ACTR3C: variants seen among roughly 807,000 people sequenced by gnomAD.
The protein encoded by ACTR3C is actin related protein 3C, also known as actin-related protein 3C.
Under a neutral mutation model 26.3 loss-of-function variants are expected in ACTR3C, and 18 were observed. The observed-to-expected ratio is 0.68, with a 90% CI of 0.47 to 1.01. The LOEUF (loss-of-function observed/expected upper bound fraction) is 1.01. Ranked by LOEUF, ACTR3C falls within the 50% of genes least tolerant of loss-of-function variation. The probability of loss-of-function intolerance (pLI) is 0.00; values close to 1 mark genes in which losing one functional copy is unlikely to be tolerated. For synonymous variants in ACTR3C, 55 were observed against 94.5 expected, an observed-to-expected ratio of 0.58 and a Z score of 2.42; for missense variants, 184 against 250.7, an observed-to-expected ratio of 0.73 and a Z score of 1.80.
chr7:150,233,143 G>C, the ACTR3C span, among the ~76,000 whole-genome samples: 2 of 151,844 alleles, frequency 1.3e-5, no homozygotes, highest in African/African-American at 4.9e-5. Context: ...TTTCTTACAG[G>C]GAAGGTCTGA....
the ACTR3C span, among the ~76,000 whole-genome samples, chr7:150,154,365 G>T: frequency 1.3e-4 from 20 of 151,954 alleles, no homozygotes; most frequent in Non-Finnish European, 2.6e-4. Flanking sequence ...CTTTGTTTTG[G>T]TCTCAGTAGG....
chr7:150,216,435 G>T, the ACTR3C span, among the ~76,000 whole-genome samples: 4 of 151,792 alleles, frequency 2.6e-5, no homozygotes, highest in African/African-American at 2.4e-5. Flanking sequence ...GGGTTGTGGG[G>T]GTGAGGGTTA....
At chr7:150,288,815 C>T (rs1344059520) in intron 4 of ACTR3C, among the ~76,000 whole-genome samples, 1 of 147,610 alleles carries the variant, frequency 6.8e-6, no homozygotes, top group African/African-American at 2.6e-5. Flanking sequence ...AGGTCATACC[C>T]AACTGCAGAG....
At chr7:150,034,938 G>T in the ACTR3C span, among the ~76,000 whole-genome samples, 4 of 148,134 alleles carry the variant, frequency 2.7e-5, no homozygotes, top group Admixed American at 2.0e-4. Context: ...TAACAGCCAG[G>T]GGCGGAAGAG....
chr7:150,074,316 G>A, the ACTR3C span: 2 of 151,970 alleles, frequency 1.3e-5, no homozygotes, highest in Non-Finnish European at 2.9e-5. Flanking sequence ...TACAGCAAAA[G>A]GATATGAGTT....
intron 1 of ACTR3C, among the ~76,000 whole-genome samples, chr7:150,305,290 C>T (rs1795725256): frequency 6.6e-6 from 1 of 152,176 alleles, no homozygotes; most frequent in Admixed American, 6.5e-5. Flanking sequence ...TTAAGAACCT[C>T]GCAAATGACA....
chr7:149,964,844 T>C, the ACTR3C span, among the ~76,000 whole-genome samples: 342 of 152,106 alleles, frequency 2.2e-3, 1 homozygote, highest in Non-Finnish European at 3.8e-3. Context: ...TGTGACCAGG[T>C]AGAACACTAA....
chr7:150,167,505 A>G, the ACTR3C span, among the ~76,000 whole-genome samples: 1 of 150,974 alleles, frequency 6.6e-6, no homozygotes, highest in African/African-American at 2.5e-5. Flanking sequence ...GAGTGTAAAC[A>G]CATTTTATTA....
the ACTR3C span, among the ~76,000 whole-genome samples, chr7:149,899,241 A>G: frequency 1.3e-4 from 19 of 151,778 alleles, no homozygotes; most frequent in East Asian, 3.3e-3. Flanking sequence ...AACTGAAAAG[A>G]GAAAAGACAA....
chr7:150,297,567 T>G (rs1795012214), intron 1 of ACTR3C, among the ~76,000 whole-genome samples: 1 of 152,202 alleles, frequency 6.6e-6, no homozygotes, highest in South Asian at 2.1e-4. Flanking sequence ...AAGACTTTTC[T>G]TTGGCCGGGC....
At chr7:150,175,274 C>T in the ACTR3C span, among the ~76,000 whole-genome samples, 5 of 148,158 alleles carry the variant, frequency 3.4e-5, no homozygotes, top group Admixed American at 1.3e-4. Flanking sequence ...TTGTGGAGAG[C>T]ACGTGGGCAA....
the ACTR3C span, among the ~76,000 whole-genome samples, chr7:149,885,236 C>T: frequency 2.0e-5 from 3 of 152,324 alleles, no homozygotes; most frequent in Non-Finnish European, 2.9e-5. Context: ...GATTTCCAAA[C>T]TTAGTTATCA....
the ACTR3C span, among the ~76,000 whole-genome samples, chr7:150,006,185 A>AATTTATTTATTT: frequency 6.9e-4 from 96 of 139,106 alleles, no homozygotes; most frequent in South Asian, 4.9e-3. Flanking sequence ...AATTGCACAG[A>AATTTATTTATTT]ATTTATTTAT....
the ACTR3C span, among the ~76,000 whole-genome samples, chr7:149,906,419 T>G: frequency 3.1e-3 from 13 of 4,166 alleles, no homozygotes; most frequent in South Asian, 0.15. Context: ...TTTCTTTTTT[T>G]TTTTTTTTTT....
In ACTR3C at chr7:150,296,963, C is replaced by T. The variant is rs565736004; in HGVS notation, c.-51-1616G>A. Among the ~76,000 whole-genome samples the T allele has an allele frequency of 2.6e-4, 39 of 151,874 alleles. No homozygotes were observed. The South Asian group carries it at 7.7e-3, about 30-fold the overall frequency. ...GCGCCAGGAGCCAACCCCGACGGCA[C>T]CTCGACCTTGGACTTCTAACCTCCA... On this transcript the variant is annotated intron_variant, in intron 1 of 7. Coordinates refer to ENST00000683684, the MANE Select transcript of ACTR3C (RefSeq NM_001164458.2).
the ACTR3C span, among the ~76,000 whole-genome samples, chr7:150,144,248 G>C: frequency 2.0e-5 from 3 of 152,114 alleles, no homozygotes; most frequent in South Asian, 2.1e-4. This position sits in a 1 kb window ranked among gnomAD's most constrained non-coding sequence, Gnocchi z 4.6. Context: ...CTTGAGTGAA[G>C]CTTTCCTAAA....
chr7:150,143,204 C>T, the ACTR3C span, among the ~76,000 whole-genome samples: 7 of 152,072 alleles, frequency 4.6e-5, no homozygotes, highest in East Asian at 7.7e-4. Context: ...GCCAATGGTA[C>T]GGAAAGCTGT....
At chr7:150,292,734 T>G (rs1359313366) in intron 3 of ACTR3C, among the ~76,000 whole-genome samples, 2 of 152,212 alleles carry the variant, frequency 1.3e-5, no homozygotes, top group Non-Finnish European at 2.9e-5. Flanking sequence ...CGACCTCAGG[T>G]GATCCGCCCG....
the ACTR3C span, among the ~76,000 whole-genome samples, chr7:150,130,789 T>C: frequency 1.3e-5 from 2 of 152,274 alleles, no homozygotes; most frequent in East Asian, 3.9e-4. Context: ...AACGAAATTC[T>C]ACATAATAAT....
Sources: gnomAD v4.1 joint callset for allele counts (sites outside exome capture counted in the v4.1 genomes callset) on GRCh38, gnomAD v4.1.1 for gene constraint, Gnocchi (gnomAD v3.1) non-coding constraint, MANE v1.5 for transcripts, NCBI Gene and HGNC (gene_info 2026-07-23, HGNC 2026-07-21) for gene names.